Variants in NXPE2 observed in about 807,000 individuals in gnomAD.
NXPE2 encodes the protein neurexophilin and PC-esterase domain family member 2, also known as NXPE family member 2.
NXPE2 carries 34 observed loss-of-function variants against 34.4 expected under a neutral mutation model. The observed-to-expected ratio is 0.99, with a 90% confidence interval of 0.75 to 1.31. The LOEUF is 1.31. NXPE2 is among the 40% of genes most tolerant of loss of function. The pLI is 0.00. For missense variants in NXPE2, 649 were observed against 672.5 expected (o/e 0.97, Z 0.39); for synonymous variants, 235 against 231.3 (o/e 1.02, Z -0.15).
the NXPE2 span, among the ~76,000 whole-genome samples, chr11:114,789,524 ATAAACATCATCT>A: frequency 6.6e-6 from 1 of 152,242 alleles, no homozygotes; most frequent in Non-Finnish European, 1.5e-5. Flanking sequence ...CAGGCACTTT[ATAAACATCATCT>A]CATTCAGTTT....
the NXPE2 span, among the ~76,000 whole-genome samples, chr11:114,639,750 ATATAT>A: frequency 2.3e-5 from 3 of 129,926 alleles, no homozygotes; most frequent in Non-Finnish European, 3.1e-5. Flanking sequence ...AATATATAAT[ATATAT>A]TATATTAAAT....
the NXPE2 span, among the ~76,000 whole-genome samples, chr11:114,605,499 T>G: frequency 6.6e-6 from 1 of 151,822 alleles, no homozygotes; most frequent in Non-Finnish European, 1.5e-5. Context: ...GGATAATAAG[T>G]GTTGCCCCGT....
At chr11:114,718,319 T>C in the NXPE2 span, among the ~76,000 whole-genome samples, 19 of 152,316 alleles carry the variant, frequency 1.2e-4, no homozygotes, top group African/African-American at 4.6e-4. Flanking sequence ...CTTAGTGAAA[T>C]AAGCCTGGCG....
the NXPE2 span, among the ~76,000 whole-genome samples, chr11:114,623,490 A>C: frequency 6.6e-5 from 10 of 152,020 alleles, no homozygotes; most frequent in Non-Finnish European, 1.5e-4. Flanking sequence ...TCGGGTAACC[A>C]CTGTTACCCA....
the NXPE2 span, among the ~76,000 whole-genome samples, chr11:114,658,977 G>T: frequency 6.6e-6 from 1 of 152,060 alleles, no homozygotes; most frequent in Non-Finnish European, 1.5e-5. Flanking sequence ...ACACAAGGAA[G>T]GACAAAGCTA....
At chr11:114,652,278 G>A in the NXPE2 span, among the ~76,000 whole-genome samples, 16 of 152,192 alleles carry the variant, frequency 1.1e-4, no homozygotes, top group Admixed American at 1.0e-3. Flanking sequence ...TCTGGAAGGG[G>A]AAATGATGCC....
the NXPE2 span, among the ~76,000 whole-genome samples, chr11:114,510,821 CCAAG>C: frequency 6.6e-6 from 1 of 151,898 alleles, no homozygotes; most frequent in Admixed American, 6.6e-5. Flanking sequence ...ACACAGAAAA[CCAAG>C]CAAATAAAGA....
At chr11:114,602,103 A>G in the NXPE2 span, among the ~76,000 whole-genome samples, 1 of 96,978 alleles carries the variant, frequency 1.0e-5, no homozygotes, top group Non-Finnish European at 1.8e-5. Context: ...AACATATATT[A>G]TAATATATAT....
chr11:114,612,440 A>T, the NXPE2 span, among the ~76,000 whole-genome samples: 2 of 151,874 alleles, frequency 1.3e-5, no homozygotes, highest in African/African-American at 4.8e-5. Context: ...CTCGTGGGTC[A>T]CCACTGCTAC....
chr11:114,701,067 C>T (rs1565389787), intron 3 of NXPE2, among the ~76,000 whole-genome samples: 1 of 152,094 alleles, frequency 6.6e-6, no homozygotes, highest in Non-Finnish European at 1.5e-5. Context: ...TTTACATTTT[C>T]CTGATCAAGG....
chr11:114,573,025 C>T, the NXPE2 span, among the ~76,000 whole-genome samples: 2 of 152,146 alleles, frequency 1.3e-5, no homozygotes, highest in Non-Finnish European at 2.9e-5. Context: ...TCAGCAGAAA[C>T]CCTACAAGCT....
the NXPE2 span, among the ~76,000 whole-genome samples, chr11:114,769,064 A>T: frequency 1.3e-5 from 2 of 152,308 alleles, no homozygotes; most frequent in East Asian, 3.9e-4. Flanking sequence ...TATCCATCTG[A>T]CAAAAGGCTA....
the NXPE2 span, among the ~76,000 whole-genome samples, chr11:114,554,975 G>A: frequency 1.3e-5 from 2 of 151,968 alleles, no homozygotes; most frequent in African/African-American, 4.8e-5. Flanking sequence ...ACCCTAACTA[G>A]ATAGTTACAT....
chr11:114,517,685 C>T, the NXPE2 span, among the ~76,000 whole-genome samples: 1 of 152,198 alleles, frequency 6.6e-6, no homozygotes, highest in Admixed American at 6.5e-5. Context: ...AGCTGTGCAT[C>T]TCCATGAAGG....
the NXPE2 span, among the ~76,000 whole-genome samples, chr11:114,633,138 ATTATT>A: frequency 8.1e-6 from 1 of 123,212 alleles, no homozygotes; most frequent in Non-Finnish European, 1.6e-5. Context: ...TATTTCATAT[ATTATT>A]TTATATATTT....
chr11:114,675,648 T>A (rs540959769), upstream of NXPE2, among the ~76,000 whole-genome samples: 1 of 152,004 alleles, frequency 6.6e-6, no homozygotes, highest in South Asian at 2.1e-4. Context: ...TTAGAAAAAT[T>A]AATATTGTTA....
the NXPE2 span, among the ~76,000 whole-genome samples, chr11:114,768,705 CTCTG>C: frequency 7.9e-5 from 12 of 152,196 alleles, no homozygotes; most frequent in South Asian, 2.1e-4. Context: ...TGATTTGGCT[CTCTG>C]TCTATTATTG....
the NXPE2 span, chr11:114,571,211 G>T: frequency 1.9e-6 from 3 of 1,613,898 alleles, no homozygotes; most frequent in Non-Finnish European, 2.5e-6. Flanking sequence ...TGGCTTTGTG[G>T]ACATTGAGGG....
the NXPE2 span, among the ~76,000 whole-genome samples, chr11:114,622,315 G>A: frequency 6.7e-6 from 1 of 149,014 alleles, no homozygotes; most frequent in African/African-American, 2.5e-5. Context: ...GCCTCATGGG[G>A]AACCACTGTT....
Sources: gnomAD v4.1 joint callset for allele counts (sites outside exome capture counted in the v4.1 genomes callset) on GRCh38, gnomAD v4.1.1 for gene constraint, MANE v1.5 for transcripts, NCBI Gene and HGNC (gene_info 2026-07-23, HGNC 2026-07-21) for gene names.